The following ARFIP1 variants were observed in gnomAD, a reference collection of about 807,000 sequenced individuals.
ARFIP1 encodes ARF interacting protein 1.
A neutral mutation model predicts 42.5 loss-of-function variants in ARFIP1; 24 were observed. The observed-to-expected ratio is 0.57, with a 90% CI of 0.41 to 0.80. The LOEUF is 0.80. Ranked by LOEUF, ARFIP1 falls within the 30% of genes least tolerant of loss-of-function variation. ARFIP1 has a pLI of 0.00. For synonymous variants in ARFIP1, 141 were observed against 153.7 expected, an observed-to-expected ratio of 0.92 and a Z score of 0.61; for missense variants, 354 against 434.0, an observed-to-expected ratio of 0.82 and a Z score of 1.64.
intron 2 of ARFIP1, among the ~76,000 whole-genome samples, chr4:152,848,355 C>T (rs1322954694): frequency 2.0e-5 from 3 of 151,994 alleles, no homozygotes; most frequent in South Asian, 2.1e-4. Context: ...AGAACGAGGA[C>T]GAGGACTAGA....
intron 2 of ARFIP1, among the ~76,000 whole-genome samples, chr4:152,836,758 A>G (rs1171892491): frequency 1.3e-5 from 2 of 152,148 alleles, no homozygotes; most frequent in African/African-American, 4.8e-5. Context: ...CTCAAATTTT[A>G]ACTTTAGAAT....
At chr4:152,821,609 G>A (rs1730372605) in intron 1 of ARFIP1, among the ~76,000 whole-genome samples, 1 of 152,192 alleles carries the variant, frequency 6.6e-6, no homozygotes, top group African/African-American at 2.4e-5. Context: ...CCTTGTTGGA[G>A]ATTTAGACAT....
intron 2 of ARFIP1, among the ~76,000 whole-genome samples, chr4:152,842,971 T>C (rs1291965575): frequency 1.3e-5 from 2 of 152,126 alleles, no homozygotes; most frequent in African/African-American, 2.4e-5. Context: ...GTGTGATTTT[T>C]TGGGGGGATG....
intron 2 of ARFIP1, among the ~76,000 whole-genome samples, chr4:152,857,645 C>G (rs957721014): frequency 3.9e-5 from 6 of 152,136 alleles, no homozygotes; most frequent in African/African-American, 1.4e-4. Flanking sequence ...CCTCAGCAAC[C>G]CAGCTTATTA....
Position 152,829,704 on chromosome 4 carries a change from C to G in ARFIP1, c.71C>G (p.Ser24Cys). The G allele has an allele frequency of 1.2e-6, 2 of 1,609,548 alleles. No individual in the cohort carries two copies. The highest frequency in any genetic ancestry group is 1.7e-6 in the Non-Finnish European group (2 of 1,177,466). Residue 24 changes from serine to cysteine, a missense_variant, in exon 2 of 9, where the codon TCT (serine) becomes TGT (cysteine). Physicochemically the swap from Ser to Cys is moderately radical, Grantham distance 112. Transcript: ENST00000353617. ...PVTSNGEVDD[S>C]REHSFNRDLK... ...ACTAGTAATGGAGAAGTTGATGACT[C>G]TCGTGAACATAGCTTTAATAGGGTA...
At chr4:152,825,456 C>G (rs1057299579) in intron 1 of ARFIP1, among the ~76,000 whole-genome samples, 3 of 152,134 alleles carry the variant, frequency 2.0e-5, no homozygotes, top group Non-Finnish European at 2.9e-5. Flanking sequence ...AAAGGACACA[C>G]TATTCAATAA....
intron 2 of ARFIP1, among the ~76,000 whole-genome samples, chr4:152,841,997 G>C (rs960690402): frequency 1.3e-5 from 2 of 152,298 alleles, no homozygotes; most frequent in East Asian, 3.9e-4. Flanking sequence ...TTCCTGTTGA[G>C]AGCGGGGACT....
At chr4:152,851,767 T>C (rs1206761997) in intron 2 of ARFIP1, among the ~76,000 whole-genome samples, 1 of 152,220 alleles carries the variant, frequency 6.6e-6, no homozygotes, top group Non-Finnish European at 1.5e-5. Context: ...TTAAAACAAA[T>C]TTACTGAACA....
intron 8 of ARFIP1, among the ~76,000 whole-genome samples, chr4:152,895,060 A>G (rs533526862): frequency 6.6e-6 from 1 of 152,386 alleles, no homozygotes; most frequent in African/African-American, 2.4e-5. Context: ...AGTGGTGGCC[A>G]GACTATGTAG....
intron 8 of ARFIP1, among the ~76,000 whole-genome samples, chr4:152,889,762 C>CTATA (rs1466853053): frequency 3.5e-4 from 7 of 19,998 alleles, no homozygotes; most frequent in East Asian, 1.3e-3. Flanking sequence ...ATATTATATA[C>CTATA]TATACTATAT....
chr4:152,849,828 A>C (rs927733310), intron 2 of ARFIP1, among the ~76,000 whole-genome samples: 1 of 152,206 alleles, frequency 6.6e-6, no homozygotes, highest in African/African-American at 2.4e-5. Flanking sequence ...TTGCTTCCGA[A>C]GTGATGACAA....
intron 3 of ARFIP1, among the ~76,000 whole-genome samples, chr4:152,868,267 G>C (rs985227879): frequency 6.6e-6 from 1 of 152,140 alleles, no homozygotes; most frequent in African/African-American, 2.4e-5. Context: ...AGTGTACTTG[G>C]TACCAGGGTT....
At chr4:152,904,667 G>A (rs1238474076) in intron 8 of ARFIP1, among the ~76,000 whole-genome samples, 2 of 152,004 alleles carry the variant, frequency 1.3e-5, no homozygotes, top group Non-Finnish European at 1.5e-5. Context: ...TTGTTCCTGT[G>A]TTAGTTTGCT....
intron 8 of ARFIP1, among the ~76,000 whole-genome samples, chr4:152,889,483 T>A (rs1736540064): frequency 8.3e-6 from 1 of 120,064 alleles, no homozygotes; most frequent in African/African-American, 3.1e-5. Flanking sequence ...CACATAAGAT[T>A]GCATTCATTT....
At chr4:152,880,929 T>G in intron 5 of ARFIP1, 34 bp from the exon 6 acceptor site, 1 of 1,544,894 alleles carries the variant, frequency 6.5e-7, no homozygotes, top group Non-Finnish European at 8.9e-7. Context: ...GTTTTGTTTT[T>G]TCTTTCTAAA....
intron 2 of ARFIP1, among the ~76,000 whole-genome samples, chr4:152,836,597 T>C (rs552965918): frequency 6.6e-6 from 1 of 152,182 alleles, no homozygotes; most frequent in Non-Finnish European, 1.5e-5. Flanking sequence ...TAATTAAAAC[T>C]GGAGTAAATG....
At chr4:152,796,647 G>T in intron 1 of ARFIP1, 1 of 884,988 alleles carries the variant, frequency 1.1e-6, no homozygotes, top group South Asian at 1.4e-5. Flanking sequence ...GCATCTTGAT[G>T]GTCTTTTTTA....
chr4:152,820,938 A>G (rs944757445), intron 1 of ARFIP1, among the ~76,000 whole-genome samples: 34 of 152,338 alleles, frequency 2.2e-4, no homozygotes, highest in African/African-American at 7.7e-4. Context: ...AACTACAAAC[A>G]TTTAAGTCAC....
intron 1 of ARFIP1, among the ~76,000 whole-genome samples, chr4:152,822,761 C>T (rs747122722): frequency 9.2e-5 from 14 of 152,044 alleles, no homozygotes; most frequent in Admixed American, 3.9e-4. Flanking sequence ...CTAAAAAGAA[C>T]CCAAAACCAT....
Sources: gnomAD v4.1 joint callset for allele counts (sites outside exome capture counted in the v4.1 genomes callset) on GRCh38, gnomAD v4.1.1 for gene constraint, MANE v1.5 for transcripts, NCBI Gene and HGNC (gene_info 2026-07-23, HGNC 2026-07-21) for gene names.